The following PALS1 variants were observed in gnomAD, a reference collection of about 807,000 sequenced individuals.
PALS1 encodes the protein protein associated with LIN7 1, MAGUK p55 family member, also known as protein PALS1.
Under a neutral mutation model 78.9 loss-of-function variants are expected in PALS1, and 31 were observed. That is an observed-to-expected ratio of 0.39 (90% CI 0.30 to 0.53). The LOEUF is 0.53. Ranked by LOEUF, PALS1 falls within the 20% of genes least tolerant of loss-of-function variation. The probability of loss-of-function intolerance (pLI) is 0.67; values close to 1 mark genes in which losing one functional copy is unlikely to be tolerated. For missense variants in PALS1, 704 were observed against 826.5 expected (o/e 0.85, Z 1.82); for synonymous variants, 276 against 270.9 (o/e 1.02, Z -0.18).
At chr14:67,326,826 A>G (rs1032850307) in intron 14 of PALS1, among the ~76,000 whole-genome samples, 4 of 152,220 alleles carry the variant, frequency 2.6e-5, no homozygotes, top group African/African-American at 4.8e-5. Context: ...TGAGTAATAT[A>G]CTATGATATT....
chr14:67,257,671 A>G (rs1326247408), intron 1 of PALS1, among the ~76,000 whole-genome samples: 2 of 152,198 alleles, frequency 1.3e-5, no homozygotes, highest in Non-Finnish European at 2.9e-5. Flanking sequence ...ATATGTATGT[A>G]TATATAACAT....
chr14:67,293,005 TG>T (rs1159176898), intron 4 of PALS1, among the ~76,000 whole-genome samples: 2 of 152,158 alleles, frequency 1.3e-5, no homozygotes, highest in Non-Finnish European at 2.9e-5. Context: ...AATTTGTTAA[TG>T]TTTTTAGTAT....
intron 8 of PALS1, among the ~76,000 whole-genome samples, chr14:67,308,233 T>TA (rs1165899759): frequency 8.1e-6 from 1 of 123,942 alleles, no homozygotes; most frequent in Non-Finnish European, 1.5e-5. Flanking sequence ...ACTTAACAGT[T>TA]TAAAAAAAAA....
chr14:67,243,984 T>G (rs2083946606), intron 1 of PALS1, among the ~76,000 whole-genome samples: 1 of 152,170 alleles, frequency 6.6e-6, no homozygotes, highest in Admixed American at 6.5e-5. Context: ...AAAATGCTGT[T>G]CTCCATATTC....
In PALS1 at chr14:67,279,674, C is replaced by T. The variant is rs914697671; in HGVS notation, c.367+137C>T. 44 of 800,442 alleles carry T rather than the reference C, an allele frequency of 5.5e-5. No individual in the cohort carries two copies. The Middle Eastern group carries it at 1.2e-3, about 22-fold the overall frequency. 49.6% of individuals were successfully genotyped at this position (800,442 alleles called of 1,614,324 possible). On this transcript the variant is annotated intron_variant, in intron 3 of 14. Transcript: ENST00000261681. ...ATTCCAGACCAAGATCCTTTGTTTT[C>T]GTGGAAACGCCGTATAACTATTGTT...
intron 1 of PALS1, among the ~76,000 whole-genome samples, chr14:67,258,944 G>A (rs986923684): frequency 6.6e-6 from 1 of 152,000 alleles, no homozygotes; most frequent in East Asian, 1.9e-4. Flanking sequence ...CCGGGTTCAA[G>A]TGATTTTCCT....
intron 1 of PALS1, chr14:67,254,182 C>CTTTTTT (rs78097877): frequency 1.7e-5 from 2 of 118,550 alleles, no homozygotes; most frequent in African/African-American, 3.0e-5. Context: ...AAGTGTCTTT[C>CTTTTTT]TTTTTTTTTT....
At chr14:67,263,839 A>G (rs2084273579) in intron 1 of PALS1, among the ~76,000 whole-genome samples, 1 of 144,328 alleles carries the variant, frequency 6.9e-6, no homozygotes, top group Non-Finnish European at 1.5e-5. Flanking sequence ...TGCTTACTCA[A>G]CCATTTAAAT....
chr14:67,280,421 C>T (rs1197045219), intron 3 of PALS1, among the ~76,000 whole-genome samples: 1 of 152,132 alleles, frequency 6.6e-6, no homozygotes, highest in Non-Finnish European at 1.5e-5. Context: ...TTGTCATTGT[C>T]ATCATTTTGC....
chr14:67,250,796 C>T (rs1405168806), intron 1 of PALS1, among the ~76,000 whole-genome samples: 2 of 152,156 alleles, frequency 1.3e-5, no homozygotes, highest in Non-Finnish European at 2.9e-5. Context: ...CTAAAGGAAT[C>T]TTATCCTTCT....
chr14:67,246,840 C>T (rs555232234), intron 1 of PALS1, among the ~76,000 whole-genome samples: 7 of 151,898 alleles, frequency 4.6e-5, no homozygotes, highest in South Asian at 2.1e-4. Context: ...TTAGTAGAGG[C>T]GGGGTTTCAC....
intron 2 of PALS1, chr14:67,270,022 A>C (rs1024187943): frequency 2.0e-5 from 3 of 152,210 alleles, no homozygotes; most frequent in Non-Finnish European, 2.9e-5. Context: ...TATGAAGTAT[A>C]TCTCTTCTAT....
rs568602185 is a variant in PALS1 at position 67,246,691 on chromosome 14, G to A, written c.-237+5158G>A. ...TTTTGAGATGGAGTCTTGCTCTCTC[G>A]CCAGGCTGGAGTGCAGTGGCACGAT... On this transcript the variant is annotated intron_variant, in intron 1 of 14. Transcript: ENST00000261681. Among the ~76,000 whole-genome samples the A allele has an allele frequency of 6.0e-5, 7 of 116,956 alleles. No homozygotes were observed. In the East Asian group the frequency reaches 1.9e-3, roughly 31 times the overall value. The allele number at this position is 116,956 out of a possible 152,430, so 76.7% of individuals were successfully genotyped here.
chr14:67,275,651 G>A (rs925412537), intron 2 of PALS1, among the ~76,000 whole-genome samples: 14 of 152,130 alleles, frequency 9.2e-5, no homozygotes, highest in Non-Finnish European at 1.6e-4. Context: ...GAGTTAGGGA[G>A]GATTGCCTCT....
chr14:67,310,334 GTTATC>G (rs1322476685), intron 8 of PALS1, among the ~76,000 whole-genome samples: 4 of 152,102 alleles, frequency 2.6e-5, no homozygotes, highest in East Asian at 1.9e-4. Context: ...AATTTGGTGT[GTTATC>G]TTAACTATAT....
intron 4 of PALS1, among the ~76,000 whole-genome samples, chr14:67,296,230 G>A (rs1211430203): frequency 6.6e-6 from 1 of 152,148 alleles, no homozygotes; most frequent in Non-Finnish European, 1.5e-5. Context: ...TGCTCAAAGG[G>A]TACAGAGGTG....
At chr14:67,320,995 A>G in intron 12 of PALS1, 62 bp from the exon 13 acceptor site, 1 of 1,388,636 alleles carries the variant, frequency 7.2e-7, no homozygotes, top group Non-Finnish European at 1.0e-6. Flanking sequence ...TGACTAGCAG[A>G]ATTATCCCCT....
In PALS1 at chr14:67,324,897, A is replaced by ATTTTTT. The variant is rs1197663812; in HGVS notation, c.1851+1105_1851+1110dup. On this transcript the variant is annotated intron_variant, in intron 14 of 14. Transcript: ENST00000261681. ...AGCTACCACGCCCAGCCTTCCTTTC[A>ATTTTTT]TTTTTTTTTTTTTTTTTTTTTTTTT... is the stretch of plus-strand genomic sequence containing the variant. Among the ~76,000 whole-genome samples, 65 of 76,332 alleles carry ATTTTTT rather than the reference A, an allele frequency of 8.5e-4. 4 individuals carry two copies. Among genetic ancestry groups the ATTTTTT allele is most frequent in the African/African-American group, 2.6e-3 (45 of 17,354 alleles). 50.1% of individuals were successfully genotyped at this position (76,332 alleles called of 152,430 possible).
chr14:67,258,811 T>C (rs1364511215), intron 1 of PALS1, among the ~76,000 whole-genome samples: 1 of 152,168 alleles, frequency 6.6e-6, no homozygotes, highest in East Asian at 1.9e-4. Flanking sequence ...CTTTAATCAT[T>C]CTTTTCTTTT....
Sources: gnomAD v4.1 joint callset for allele counts (sites outside exome capture counted in the v4.1 genomes callset) on GRCh38, gnomAD v4.1.1 for gene constraint, MANE v1.5 for transcripts, NCBI Gene and HGNC (gene_info 2026-07-23, HGNC 2026-07-21) for gene names.